Variants in PTPN9 observed in about 807,000 individuals in gnomAD.
PTPN9 encodes the protein protein tyrosine phosphatase non-receptor type 9.
PTPN9 carries 26 observed loss-of-function variants against 69.8 expected under a neutral mutation model. The observed-to-expected ratio is 0.37, with a 90% CI of 0.27 to 0.52. The LOEUF is 0.52. Among genes scored for constraint, PTPN9 ranks in the 20% least tolerant of loss-of-function variants. The probability of loss-of-function intolerance (pLI) is 0.91; values close to 1 mark genes in which losing one functional copy is unlikely to be tolerated. For synonymous variants in PTPN9, 274 were observed against 272.5 expected (o/e 1.01, Z -0.05); for missense variants, 549 against 740.3 (o/e 0.74, Z 3.00).
At chr15:75,527,861 AAAAAG>A in intron 1 of PTPN9, among the ~76,000 whole-genome samples, 1 of 152,108 alleles carries the variant, frequency 6.6e-6, no homozygotes. Flanking sequence ...TCTCAAAAAA[AAAAAG>A]AAAGAAAGAA....
rs1037662041 is a variant in PTPN9 at position 75,527,206 on chromosome 15, G to A, written c.119C>T (p.Ser40Phe). 1.9e-6 allele frequency: 3 copies of A among 1,614,148 alleles called. No homozygotes were observed. The highest frequency in any genetic ancestry group is 2.5e-6 in the Non-Finnish European group (3 of 1,180,024). The part of the protein sequence containing the change: ...INKWTVQYNV[S>F]PLSWNVAVKF... ...GACAGCCACATTCCAAGACAGCGGG[G>A]AAACATTGTACTGAACTGTCCACTT... Residue 40 changes from serine (S) to phenylalanine (F), a missense_variant, in exon 2 of 13, where the codon TCC becomes TTC. By Grantham distance (155) the Ser-to-Phe change is radical. Coordinates refer to ENST00000618819, the MANE Select transcript of PTPN9 (RefSeq NM_002833.4).
chr15:75,481,978 C>T (rs1318348607), intron 8 of PTPN9, among the ~76,000 whole-genome samples: 4 of 144,870 alleles, frequency 2.8e-5, no homozygotes, highest in South Asian at 2.4e-4. Flanking sequence ...TCATTGAGAA[C>T]GGGCCAGGAT....
chr15:75,544,223 G>C (rs1334370579), intron 1 of PTPN9, among the ~76,000 whole-genome samples: 1 of 152,136 alleles, frequency 6.6e-6, no homozygotes, highest in African/African-American at 2.4e-5. Flanking sequence ...GGAAAAAAAC[G>C]AAACCTGCCG....
intron 5 of PTPN9, among the ~76,000 whole-genome samples, chr15:75,509,456 A>T (rs2074835629): frequency 6.6e-6 from 1 of 152,230 alleles, no homozygotes; most frequent in South Asian, 2.1e-4. Context: ...TGGGAGGCCG[A>T]GGTGGGTGGA....
intron 4 of PTPN9, among the ~76,000 whole-genome samples, chr15:75,521,003 T>C (rs1000359223): frequency 6.6e-6 from 1 of 151,770 alleles, no homozygotes; most frequent in Admixed American, 6.6e-5. Context: ...AATACCACCA[T>C]GCCTGGCTGC....
chr15:75,489,938 T>A (rs574847593), intron 8 of PTPN9, among the ~76,000 whole-genome samples: 25 of 152,250 alleles, frequency 1.6e-4, no homozygotes, highest in Non-Finnish European at 3.4e-4. Context: ...GATAAATAAT[T>A]TAACATCTAT....
intron 7 of PTPN9, among the ~76,000 whole-genome samples, chr15:75,497,686 C>T (rs1009268483): frequency 2.7e-5 from 4 of 150,814 alleles, no homozygotes; most frequent in African/African-American, 4.9e-5. Flanking sequence ...CCTGTAATCC[C>T]AGCTACTTGG....
chr15:75,480,008 A>C, intron 8 of PTPN9, 94 bp from the exon 9 acceptor site: 1 of 821,158 alleles, frequency 1.2e-6, no homozygotes, highest in South Asian at 1.8e-5. Flanking sequence ...CAAGGTGTGA[A>C]TATTCTCTTC....
chr15:75,562,776 G>C (rs995665630), intron 1 of PTPN9, among the ~76,000 whole-genome samples: 8 of 110,722 alleles, frequency 7.2e-5, no homozygotes, highest in African/African-American at 3.0e-4. Flanking sequence ...CTGGATGACA[G>C]AGCGAGACTC....
At chr15:75,516,093 T>C (rs1044753400) in intron 5 of PTPN9, among the ~76,000 whole-genome samples, 1 of 152,060 alleles carries the variant, frequency 6.6e-6, no homozygotes. Flanking sequence ...CTAGAGACCC[T>C]CTTACACATA....
intron 7 of PTPN9, among the ~76,000 whole-genome samples, chr15:75,504,017 C>T (rs1270372647): frequency 7.8e-6 from 1 of 128,496 alleles, no homozygotes. Context: ...CCGCCCCGTC[C>T]GGGAGGGAGG....
intron 8 of PTPN9, among the ~76,000 whole-genome samples, chr15:75,488,778 A>G (rs1194519898): frequency 6.6e-6 from 1 of 152,130 alleles, no homozygotes; most frequent in Non-Finnish European, 1.5e-5. Flanking sequence ...TGGGTGACAG[A>G]GTGAGACCCT....
intron 7 of PTPN9, among the ~76,000 whole-genome samples, chr15:75,503,922 C>T (rs1277898740): frequency 1.0e-4 from 12 of 114,694 alleles, no homozygotes; most frequent in Non-Finnish European, 1.6e-4. Flanking sequence ...GCCCCCCGCC[C>T]GGCCAGCCGC....
At chr15:75,489,860 T>C (rs956622015) in intron 8 of PTPN9, among the ~76,000 whole-genome samples, 1 of 152,230 alleles carries the variant, frequency 6.6e-6, no homozygotes, top group African/African-American at 2.4e-5. Context: ...TTGCTTTGTA[T>C]TGATGCATAT....
intron 1 of PTPN9, among the ~76,000 whole-genome samples, chr15:75,548,433 T>G (rs2075043437): frequency 6.6e-6 from 1 of 150,542 alleles, no homozygotes; most frequent in African/African-American, 2.4e-5. Flanking sequence ...TTTTTGCACT[T>G]TTAATAGAGA....
chr15:75,575,712 G>T (rs1336549624), intron 1 of PTPN9, among the ~76,000 whole-genome samples: 1 of 140,854 alleles, frequency 7.1e-6, no homozygotes, highest in African/African-American at 2.7e-5. Context: ...GAGGTCAGGA[G>T]ATCGAGACCA....
At position 75,512,969 on chromosome 15, in the gene PTPN9, C is replaced by T. The variant is rs551863683; in HGVS notation, c.529-3942G>A. The T allele has an allele frequency of 1.6e-4, 64 of 396,782 alleles. No homozygotes were observed. In the Admixed American group the frequency reaches 2.0e-3, roughly 12 times the overall value. 24.6% of individuals were successfully genotyped at this position (396,782 alleles called of 1,614,324 possible). ...TACCAGTTAGCCTTTGTAATCCATTCGCCACTTAAGTTTCACTGTCACTGG... is the reference window on the plus strand; with the variant it reads ...TACCAGTTAGCCTTTGTAATCCATTTGCCACTTAAGTTTCACTGTCACTGG... On this transcript the variant is annotated intron_variant, in intron 5 of 12. Transcript: ENST00000618819.
At chr15:75,484,623 TTTATGTTATAGTATAACTAG>T (rs1398210884) in intron 8 of PTPN9, among the ~76,000 whole-genome samples, 4 of 152,224 alleles carry the variant, frequency 2.6e-5, no homozygotes, top group Non-Finnish European at 5.9e-5. Context: ...CAGCTGCAGT[TTTATGTTATAGTATAACTAG>T]TTGGGAGTTG....
chr15:75,539,006 T>C (rs1269075179), intron 1 of PTPN9, among the ~76,000 whole-genome samples: 1 of 150,658 alleles, frequency 6.6e-6, no homozygotes. Flanking sequence ...CCAGTCTCTA[T>C]AAAAAAAATA....
Sources: gnomAD v4.1 joint callset for allele counts (sites outside exome capture counted in the v4.1 genomes callset) on GRCh38, gnomAD v4.1.1 for gene constraint, MANE v1.5 for transcripts, NCBI Gene and HGNC (gene_info 2026-07-23, HGNC 2026-07-21) for gene names.